Variants in MAN1A2 observed in about 807,000 individuals in gnomAD.
The protein encoded by MAN1A2 is mannosyl-oligosaccharide 1,2-alpha-mannosidase IB.
MAN1A2 carries 26 observed loss-of-function variants against 75.7 expected under a neutral mutation model. The observed-to-expected ratio is 0.34, with a 90% confidence interval of 0.25 to 0.48. The LOEUF (loss-of-function observed/expected upper bound fraction) is 0.48, where lower values mean the gene tolerates loss of function less well. Among genes scored for constraint, MAN1A2 ranks in the 20% least tolerant of loss-of-function variants. The probability of loss-of-function intolerance (pLI) is 0.99; values close to 1 mark genes in which losing one functional copy is unlikely to be tolerated. For missense variants in MAN1A2, 562 were observed against 775.5 expected (o/e 0.72, Z 3.27); for synonymous variants, 247 against 264.6 (o/e 0.93, Z 0.65).
At chr1:117,449,465 G>A (rs1649338867) in intron 6 of MAN1A2, among the ~76,000 whole-genome samples, 1 of 151,758 alleles carries the variant, frequency 6.6e-6, no homozygotes, top group African/African-American at 2.4e-5. Context: ...AAGCCAAGGT[G>A]GGAGGATTGC....
At chr1:117,390,033 C>G (rs966553656) in intron 1 of MAN1A2, among the ~76,000 whole-genome samples, 21 of 152,188 alleles carry the variant, frequency 1.4e-4, no homozygotes, top group Admixed American at 5.9e-4. Flanking sequence ...GTTAGACACC[C>G]TTTGGTAATT....
At chr1:117,381,432 G>A (rs1161076332) in intron 1 of MAN1A2, among the ~76,000 whole-genome samples, 3 of 151,982 alleles carry the variant, frequency 2.0e-5, no homozygotes, top group South Asian at 2.1e-4. Context: ...GAGAACATGC[G>A]GTGTTTGGTT....
At chr1:117,438,176 C>T (rs1208548718) in intron 5 of MAN1A2, among the ~76,000 whole-genome samples, 2 of 152,170 alleles carry the variant, frequency 1.3e-5, no homozygotes, top group African/African-American at 4.8e-5. Context: ...TTCTTATTTC[C>T]TAGTGATGTT....
chr1:117,371,173 C>A (rs925803796), intron 1 of MAN1A2, among the ~76,000 whole-genome samples: 5 of 151,992 alleles, frequency 3.3e-5, no homozygotes, highest in African/African-American at 7.3e-5. Context: ...TATTTTTATT[C>A]GGAATCTACT....
At chr1:117,475,549 G>A (rs1357492413) in intron 8 of MAN1A2, among the ~76,000 whole-genome samples, 2 of 151,892 alleles carry the variant, frequency 1.3e-5, no homozygotes, top group Admixed American at 1.3e-4. Flanking sequence ...GGTGTGTGAT[G>A]TTCCCCTCCC....
At chr1:117,500,725 C>T (rs943015461) in intron 11 of MAN1A2, among the ~76,000 whole-genome samples, 4 of 151,746 alleles carry the variant, frequency 2.6e-5, no homozygotes, top group African/African-American at 4.8e-5. Context: ...TTCCTTGGCC[C>T]CTTGGCTCCA....
At position 117,407,411 on chromosome 1, in the gene MAN1A2, G is replaced by A. The variant is rs535693644; in HGVS notation, c.655+1766G>A. 5.3e-5 allele frequency among the ~76,000 whole-genome samples: 8 copies of A among 151,958 alleles called. No individual in the cohort carries two copies. The South Asian group carries it at 1.7e-3, about 32-fold the overall frequency. ...GATCTTTTTCTTTTTTAAAAAAACA[G>A]TAAAAGTCTAAGAGAAGCGTGGTAA... On this transcript the variant is annotated intron_variant, in intron 3 of 12. Coordinates refer to ENST00000356554, the MANE Select transcript of MAN1A2 (RefSeq NM_006699.5).
At chr1:117,489,215 C>T (rs920898734) in intron 8 of MAN1A2, among the ~76,000 whole-genome samples, 2 of 151,966 alleles carry the variant, frequency 1.3e-5, no homozygotes, top group African/African-American at 2.4e-5. Flanking sequence ...AGTTCTTTTA[C>T]ATTTATATTT....
intron 6 of MAN1A2, among the ~76,000 whole-genome samples, chr1:117,457,374 T>C (rs908153718): frequency 7.2e-5 from 11 of 151,996 alleles, no homozygotes; most frequent in African/African-American, 2.7e-4. Context: ...AAACATAACA[T>C]TTGCATGAAA....
At chr1:117,419,627 G>A (rs1334331332) in intron 4 of MAN1A2, among the ~76,000 whole-genome samples, 3 of 151,870 alleles carry the variant, frequency 2.0e-5, no homozygotes, top group Admixed American at 1.3e-4. Context: ...AACTATGAAT[G>A]TTTTTATGTT....
intron 5 of MAN1A2, 35 bp from the exon 6 acceptor site, chr1:117,442,196 C>G (rs1351771803): frequency 2.3e-6 from 3 of 1,287,136 alleles, no homozygotes; most frequent in Non-Finnish European, 3.4e-6. Context: ...TTACTAATGG[C>G]TATAATTTAT....
intron 5 of MAN1A2, among the ~76,000 whole-genome samples, chr1:117,435,711 T>C (rs1410725275): frequency 6.6e-6 from 1 of 152,224 alleles, no homozygotes; most frequent in Non-Finnish European, 1.5e-5. Context: ...ATTTAAACTT[T>C]TTTATTTTTT....
chr1:117,487,804 C>G, intron 8 of MAN1A2, among the ~76,000 whole-genome samples: 1 of 151,988 alleles, frequency 6.6e-6, no homozygotes, highest in East Asian at 1.9e-4. Context: ...AGGGACTCTC[C>G]CTATCTACTC....
At chr1:117,390,208 T>C (rs1653671358) in intron 1 of MAN1A2, among the ~76,000 whole-genome samples, 1 of 152,160 alleles carries the variant, frequency 6.6e-6, no homozygotes, top group African/African-American at 2.4e-5. Context: ...ATAGAACTGG[T>C]ATTGATTTTT....
At chr1:117,462,745 T>C (rs981304008) in intron 7 of MAN1A2, among the ~76,000 whole-genome samples, 3 of 152,174 alleles carry the variant, frequency 2.0e-5, no homozygotes, top group African/African-American at 7.2e-5. Flanking sequence ...GCTGGTGTTA[T>C]GTGCCGCAGG....
intron 6 of MAN1A2, among the ~76,000 whole-genome samples, chr1:117,448,851 C>A (rs1649318593): frequency 6.6e-6 from 1 of 152,092 alleles, no homozygotes; most frequent in Admixed American, 6.6e-5. Flanking sequence ...TTGTTCTTTG[C>A]AGATATTCTT....
In MAN1A2 at chr1:117,442,701, C is replaced by T. The variant is rs10923298; in HGVS notation, c.950+376C>T. Reference sequence around the variant, plus strand: ...TCCCTCTTTTTCTTTTTATATACCACCTCCTGATCTTCTAAGTGAAAATAG... The same window carrying T: ...TCCCTCTTTTTCTTTTTATATACCATCTCCTGATCTTCTAAGTGAAAATAG... On this transcript the variant is annotated intron_variant, in intron 6 of 12. Coordinates refer to ENST00000356554, the MANE Select transcript of MAN1A2 (RefSeq NM_006699.5). Among the ~76,000 whole-genome samples the T allele has an allele frequency of 3.8e-3, 584 of 152,156 alleles. 7 individuals carry two copies. Among genetic ancestry groups the T allele is most frequent in the African/African-American group, 0.013 (555 of 41,522 alleles).
chr1:117,398,793 G>A (rs551032135), intron 1 of MAN1A2, among the ~76,000 whole-genome samples: 2 of 152,230 alleles, frequency 1.3e-5, no homozygotes, highest in South Asian at 4.1e-4. Context: ...TTTCTTAATA[G>A]GCCATAATAT....
chr1:117,382,782 A>G (rs1653394899), intron 1 of MAN1A2, among the ~76,000 whole-genome samples: 1 of 152,094 alleles, frequency 6.6e-6, no homozygotes, highest in South Asian at 2.1e-4. Flanking sequence ...CAGTATGGCC[A>G]TTTTCACAAT....
Sources: allele counts gnomAD v4.1 joint callset (sites outside exome capture counted in the v4.1 genomes callset), GRCh38; gene constraint gnomAD v4.1.1; transcripts MANE v1.5; gene names NCBI Gene and HGNC (gene_info 2026-07-23, HGNC 2026-07-21).